PAPPA2: variants seen among roughly 807,000 people sequenced by gnomAD.
The protein encoded by PAPPA2 is pappalysin 2, also known as pappalysin-2.
In PAPPA2, 86 loss-of-function variants were observed where a neutral mutation model predicts 176.4. That is an observed-to-expected ratio of 0.49 (90% CI 0.41 to 0.58). The LOEUF is 0.58. Ranked by LOEUF, PAPPA2 falls within the 20% of genes least tolerant of loss-of-function variation. The pLI is 0.00. For missense variants in PAPPA2, 2,073 were observed against 2,256.9 expected, an observed-to-expected ratio of 0.92 and a Z score of 1.65; for synonymous variants, 809 against 852.2, an observed-to-expected ratio of 0.95 and a Z score of 0.88.
chr1:176,727,780 A>G (rs1661952726), intron 12 of PAPPA2, among the ~76,000 whole-genome samples: 1 of 152,080 alleles, frequency 6.6e-6, no homozygotes. Flanking sequence ...TACTTCACCA[A>G]GACAGACCAT....
At chr1:176,480,199 G>T (rs150838276) in intron 1 of PAPPA2, among the ~76,000 whole-genome samples, 3 of 152,284 alleles carry the variant, frequency 2.0e-5, no homozygotes, top group South Asian at 2.1e-4. Flanking sequence ...GGCCTCCTCC[G>T]TGCCCAGCTT....
chr1:176,624,749 T>G (rs1655912454), intron 3 of PAPPA2, among the ~76,000 whole-genome samples: 1 of 152,232 alleles, frequency 6.6e-6, no homozygotes, highest in Non-Finnish European at 1.5e-5. Flanking sequence ...TGTGCTTTCA[T>G]ATCATATTTA....
rs74876102 is a variant in PAPPA2 at position 176,842,499 on chromosome 1, A to G, written c.*45A>G. 431 of 1,541,552 alleles carry G rather than the reference A, an allele frequency of 2.8e-4. 1 individual carries two copies. The East Asian group carries it at 8.5e-3, about 30-fold the overall frequency. ...CCTCCACTGCCTCAGAGGCAGTAAG[A>G]AAGAGAGGCCGACCCAGGAGGAAAC... On this transcript the variant is annotated 3_prime_UTR_variant, in exon 23 of 23. Transcript: ENST00000367662.
At chr1:176,535,751 C>G (rs1313949903) in intron 1 of PAPPA2, among the ~76,000 whole-genome samples, 2 of 152,178 alleles carry the variant, frequency 1.3e-5, no homozygotes, top group Non-Finnish European at 2.9e-5. Context: ...CTCTAGTCCT[C>G]TAGTTTTCTC....
At chr1:176,820,705 C>G (rs1383374033) in intron 21 of PAPPA2, among the ~76,000 whole-genome samples, 1 of 152,098 alleles carries the variant, frequency 6.6e-6, no homozygotes. Flanking sequence ...ACACCCACAG[C>G]ATGTGCAAAT....
intron 1 of PAPPA2, among the ~76,000 whole-genome samples, chr1:176,472,283 G>A (rs762556826): frequency 1.8e-4 from 28 of 152,022 alleles, no homozygotes; most frequent in Admixed American, 3.3e-4. Flanking sequence ...TTATGAACTC[G>A]TGTATCCATG....
rs188500139 is a variant in PAPPA2, at chr1:176,583,615, A to G, written c.920-10909A>G. 4.6e-3 allele frequency among the ~76,000 whole-genome samples: 696 copies of G among 151,934 alleles called. 8 individuals are homozygous for G. The highest frequency in any genetic ancestry group is 0.016 in the African/African-American group (663 of 41,418). On this transcript the variant is annotated intron_variant, in intron 2 of 22. Coordinates refer to ENST00000367662, the MANE Select transcript of PAPPA2 (RefSeq NM_020318.3). Reference sequence around the variant, plus strand: ...TGTTATTTATTTTATTTGTTTATTTATTTTTTAGCGACATGGTCTCACTAT... The same window carrying G: ...TGTTATTTATTTTATTTGTTTATTTGTTTTTTAGCGACATGGTCTCACTAT...
At chr1:176,540,354 G>C (rs933524756) in intron 1 of PAPPA2, among the ~76,000 whole-genome samples, 1 of 152,186 alleles carries the variant, frequency 6.6e-6, no homozygotes, top group African/African-American at 2.4e-5. Flanking sequence ...TTAAGACCCT[G>C]CTCAAAAATC....
At chr1:176,622,344 T>A (rs1198483678) in intron 3 of PAPPA2, among the ~76,000 whole-genome samples, 1 of 152,218 alleles carries the variant, frequency 6.6e-6, no homozygotes, top group East Asian at 1.9e-4. Context: ...ATATGATGGA[T>A]GCAACAACCT....
At chr1:176,764,520 A>G (rs1663847099) in intron 14 of PAPPA2, among the ~76,000 whole-genome samples, 1 of 152,034 alleles carries the variant, frequency 6.6e-6, no homozygotes, top group Non-Finnish European at 1.5e-5. Context: ...AGAGAGCCTG[A>G]GGCTAATGCC....
At chr1:176,587,341 A>AT (rs1462096502) in intron 2 of PAPPA2, among the ~76,000 whole-genome samples, 2 of 152,034 alleles carry the variant, frequency 1.3e-5, no homozygotes, top group Non-Finnish European at 2.9e-5. Context: ...TGTTTTTGCC[A>AT]TTTTTGTCAT....
chr1:176,623,804 T>C (rs1655841832), intron 3 of PAPPA2, among the ~76,000 whole-genome samples: 1 of 109,784 alleles, frequency 9.1e-6, no homozygotes, highest in Admixed American at 1.0e-4. Flanking sequence ...TCTTTCTTTC[T>C]TTCTTCTTTC....
At chr1:176,598,295 A>G (rs1573102079) in intron 3 of PAPPA2, among the ~76,000 whole-genome samples, 1 of 151,688 alleles carries the variant, frequency 6.6e-6, no homozygotes, top group African/African-American at 2.4e-5. Context: ...TTTCCTGTAC[A>G]CCTCCAAATA....
intron 3 of PAPPA2, among the ~76,000 whole-genome samples, chr1:176,652,179 C>T (rs777306789): frequency 2.7e-5 from 4 of 149,020 alleles, no homozygotes; most frequent in Admixed American, 1.3e-4. Context: ...GGGGGCAGGG[C>T]GGGGCAGGGG....
intron 14 of PAPPA2, among the ~76,000 whole-genome samples, chr1:176,762,570 C>T (rs1432375180): frequency 1.3e-5 from 2 of 152,150 alleles, no homozygotes; most frequent in Non-Finnish European, 2.9e-5. Flanking sequence ...CTCTGTTTCC[C>T]AGTACTTCCT....
chr1:176,699,485 G>A lies in PAPPA2; in HGVS notation c.3132G>A (p.Leu1044=). 1.9e-6 allele frequency: 3 copies of A among 1,614,128 alleles called. No individual in the cohort carries two copies. Among genetic ancestry groups the A allele is most frequent in the Non-Finnish European group, 2.5e-6 (3 of 1,180,020 alleles). The change falls in exon 8 of 23, where the codon TTG becomes TTA. Residue 1044 remains leucine (L), a synonymous_variant. Transcript: ENST00000367662. ...TGACTTCTCAGCCCCACAGTCCCTTGTGCTCTGGCTGCAGGCCTGTGAGGT... is the reference window on the plus strand; with the variant it reads ...TGACTTCTCAGCCCCACAGTCCCTTATGCTCTGGCTGCAGGCCTGTGAGGT... The part of the protein sequence containing the change: ...ALLTSQPHSP[L]CSGCRPVRYQ...
chr1:176,634,799 G>GATAGAT (rs1656569399), intron 3 of PAPPA2, among the ~76,000 whole-genome samples: 4 of 120,176 alleles, frequency 3.3e-5, no homozygotes, highest in African/African-American at 1.0e-4. Flanking sequence ...TCCAAGGAGA[G>GATAGAT]AGATAGATAG....
chr1:176,711,717 G>A, intron 11 of PAPPA2, 118 bp from the exon 12 acceptor site: 1 of 1,147,980 alleles, frequency 8.7e-7, no homozygotes, highest in Middle Eastern at 2.2e-4. Flanking sequence ...TGCCAATAAT[G>A]TGATCATTAG....
At chr1:176,496,051 T>C (rs941939639) in intron 1 of PAPPA2, among the ~76,000 whole-genome samples, 6 of 152,192 alleles carry the variant, frequency 3.9e-5, no homozygotes, top group Non-Finnish European at 7.3e-5. Flanking sequence ...TTAAATATAT[T>C]CAGGCTATGA....
Sources: gnomAD v4.1 joint callset for allele counts (sites outside exome capture counted in the v4.1 genomes callset) on GRCh38, gnomAD v4.1.1 for gene constraint, MANE v1.5 for transcripts, NCBI Gene and HGNC (gene_info 2026-07-23, HGNC 2026-07-21) for gene names.